Variants in CTNND2 observed in about 807,000 individuals in gnomAD.
The protein encoded by CTNND2 is catenin delta-2.
A neutral mutation model predicts 144.4 loss-of-function variants in CTNND2; 22 were observed. That is an observed-to-expected ratio of 0.15 (90% confidence interval 0.11 to 0.22). CTNND2 has a LOEUF of 0.22. Ranked by LOEUF, CTNND2 falls within the 10% of genes least tolerant of loss-of-function variation. The pLI is 1.00. For synonymous variants in CTNND2, 751 were observed against 695.6 expected (o/e 1.08, Z -1.25); for missense variants, 1,353 against 1,618.8 (o/e 0.84, Z 2.82).
At chr5:11,593,649 T>C (rs1779366942) in intron 2 of CTNND2, among the ~76,000 whole-genome samples, 4 of 152,226 alleles carry the variant, frequency 2.6e-5, no homozygotes, top group Non-Finnish European at 4.4e-5. Flanking sequence ...CCCCTGCATA[T>C]GCTCTCTGGC....
intron 1 of CTNND2, among the ~76,000 whole-genome samples, chr5:11,893,168 C>T (rs958795628): frequency 6.6e-6 from 1 of 152,100 alleles, no homozygotes; most frequent in Non-Finnish European, 1.5e-5. Flanking sequence ...ATGTTTACTA[C>T]TGAAAGATCT....
At chr5:11,443,335 T>C (rs1581207911) in intron 3 of CTNND2, among the ~76,000 whole-genome samples, 1 of 80,534 alleles carries the variant, frequency 1.2e-5, no homozygotes, top group Non-Finnish European at 2.2e-5. Flanking sequence ...GTGTGTGGTG[T>C]GTGTGGGGAG....
At chr5:11,648,217 GT>G (rs1221387850) in intron 2 of CTNND2, among the ~76,000 whole-genome samples, 1 of 138,198 alleles carries the variant, frequency 7.2e-6, no homozygotes, top group African/African-American at 2.8e-5. Context: ...GCTTTATACA[GT>G]ACACCCAGCA....
rs937901037 is a variant in CTNND2 at position 11,815,252 on chromosome 5, T to G, written c.38-82980A>C. On this transcript the variant is annotated intron_variant, in intron 1 of 21. Transcript: ENST00000304623. ...AATTAGAAGTTTCTGTACCAATGAATTAGAATTAACATTAAATGTTAATTA... is the reference window on the plus strand; with the variant it reads ...AATTAGAAGTTTCTGTACCAATGAAGTAGAATTAACATTAAATGTTAATTA... 3.9e-5 allele frequency among the ~76,000 whole-genome samples: 6 copies of G among 152,150 alleles called. No homozygotes were observed. In the East Asian group the frequency reaches 1.2e-3, roughly 29 times the overall value.
chr5:11,746,986 C>A (rs1788346850), intron 1 of CTNND2, among the ~76,000 whole-genome samples: 2 of 152,062 alleles, frequency 1.3e-5, no homozygotes, highest in African/African-American at 4.8e-5. Flanking sequence ...TTGGTTGATA[C>A]ATGATATTAA....
chr5:11,779,648 T>A (rs1467268275), intron 1 of CTNND2, among the ~76,000 whole-genome samples: 1 of 152,222 alleles, frequency 6.6e-6, no homozygotes, highest in African/African-American at 2.4e-5. Flanking sequence ...ATATCTACCT[T>A]GGTTATATGA....
chr5:11,248,305 G>A (rs1743211478), intron 9 of CTNND2, among the ~76,000 whole-genome samples: 1 of 151,758 alleles, frequency 6.6e-6, no homozygotes. Flanking sequence ...AACCACAAAG[G>A]CCTTGGTCAC....
intron 9 of CTNND2, among the ~76,000 whole-genome samples, chr5:11,295,515 G>A (rs921669012): frequency 1.6e-4 from 25 of 152,128 alleles, no homozygotes; most frequent in African/African-American, 4.6e-4. Flanking sequence ...AAAAGAGCCC[G>A]CATTGCCAAG....
At chr5:11,837,288 A>G (rs1794234858) in intron 1 of CTNND2, among the ~76,000 whole-genome samples, 1 of 152,222 alleles carries the variant, frequency 6.6e-6, no homozygotes, top group Non-Finnish European at 1.5e-5. Context: ...TCAGATCTTC[A>G]CTTTACATTT....
At chr5:11,460,921 C>A (rs990020549) in intron 3 of CTNND2, among the ~76,000 whole-genome samples, 1 of 151,804 alleles carries the variant, frequency 6.6e-6, no homozygotes, top group Non-Finnish European at 1.5e-5. Context: ...TGGTGGCATG[C>A]GTCTGTAATC....
At chr5:11,902,963 C>G (rs1046053505) in intron 1 of CTNND2, 1 of 155,448 alleles carries the variant, frequency 6.4e-6, no homozygotes, top group African/African-American at 2.4e-5. Flanking sequence ...ACCACAAACA[C>G]CAGGGAGGCT....
intron 5 of CTNND2, among the ~76,000 whole-genome samples, chr5:11,398,631 C>A (rs566509685): frequency 6.6e-6 from 1 of 152,180 alleles, no homozygotes; most frequent in Non-Finnish European, 1.5e-5. Flanking sequence ...TTCATCCAGC[C>A]ACAACTTCAT....
chr5:11,372,804 A>G (rs1757582805), intron 7 of CTNND2, among the ~76,000 whole-genome samples: 1 of 152,218 alleles, frequency 6.6e-6, no homozygotes, highest in Admixed American at 6.5e-5. Context: ...TTCTCAGGCA[A>G]TGCTGGCGCT....
At chr5:11,791,394 A>T (rs1791130227) in intron 1 of CTNND2, among the ~76,000 whole-genome samples, 1 of 152,200 alleles carries the variant, frequency 6.6e-6, no homozygotes, top group East Asian at 1.9e-4. Context: ...ATTAAGCCAA[A>T]TGTTATCTGA....
intron 2 of CTNND2, among the ~76,000 whole-genome samples, chr5:11,710,943 T>C (rs1021617001): frequency 1.3e-5 from 2 of 152,234 alleles, no homozygotes; most frequent in Non-Finnish European, 2.9e-5. Flanking sequence ...TTTTAACCCC[T>C]TGTCACTCCA....
intron 9 of CTNND2, among the ~76,000 whole-genome samples, chr5:11,328,555 T>C (rs1404370022): frequency 3.3e-5 from 5 of 152,160 alleles, no homozygotes; most frequent in Non-Finnish European, 7.4e-5. Flanking sequence ...CTGCCCTTCT[T>C]GGCCTACCAA....
intron 16 of CTNND2, among the ~76,000 whole-genome samples, chr5:11,077,894 G>A (rs550338144): frequency 2.0e-5 from 3 of 152,258 alleles, no homozygotes; most frequent in East Asian, 1.9e-4. Context: ...CAAAGAAGAC[G>A]CCAAGGTGTC....
intron 9 of CTNND2, among the ~76,000 whole-genome samples, chr5:11,240,555 C>CAA (rs1489632041): frequency 9.9e-5 from 12 of 120,950 alleles, no homozygotes; most frequent in African/African-American, 3.9e-4. Flanking sequence ...ACCCAACACA[C>CAA]ACACTCAAAA....
chr5:11,790,680 A>C (rs1376274433), intron 1 of CTNND2, among the ~76,000 whole-genome samples: 1 of 152,228 alleles, frequency 6.6e-6, no homozygotes, highest in Non-Finnish European at 1.5e-5. Context: ...TTTACACAGT[A>C]AATCTACAAA....
Sources: gnomAD v4.1 joint callset for allele counts (sites outside exome capture counted in the v4.1 genomes callset) on GRCh38, gnomAD v4.1.1 for gene constraint, MANE v1.5 for transcripts, NCBI Gene and HGNC (gene_info 2026-07-23, HGNC 2026-07-21) for gene names.